PTAFR: variants seen among roughly 807,000 people sequenced by gnomAD.
PTAFR encodes the protein platelet activating factor receptor.
Under a neutral mutation model 14.7 loss-of-function variants are expected in PTAFR, and 8 were observed. The observed-to-expected ratio is 0.54, with a 90% CI of 0.32 to 0.98. The LOEUF (loss-of-function observed/expected upper bound fraction) is 0.98, where lower values mean the gene tolerates loss of function less well. Among genes scored for constraint, PTAFR ranks in the 50% least tolerant of loss-of-function variants. PTAFR has a pLI of 0.04. For missense variants in PTAFR, 337 were observed against 451.2 expected, an observed-to-expected ratio of 0.75 and a Z score of 2.29; for synonymous variants, 156 against 176.5, an observed-to-expected ratio of 0.88 and a Z score of 0.92.
chr1:28,168,104 G>C lies in PTAFR; in HGVS notation c.-39+8488C>G, dbSNP rs188841239. Among the ~76,000 whole-genome samples the C allele has an allele frequency of 5.5e-3, 823 of 148,382 alleles. 4 individuals carry two copies. Among genetic ancestry groups the C allele is most frequent in the Non-Finnish European group, 7.8e-3 (522 of 67,276 alleles). The stretch of plus-strand genomic sequence containing the variant: ...CTCCCGAGTAGCTGGGACTACAGGT[G>C]CCCGCCACCACACCCGGCTAATTTT... On this transcript the variant is annotated intron_variant, in intron 1 of 1. Transcript: ENST00000373857.
At chr1:28,156,178 G>A (rs990128714) in intron 1 of PTAFR, among the ~76,000 whole-genome samples, 3 of 151,404 alleles carry the variant, frequency 2.0e-5, no homozygotes, top group Non-Finnish European at 2.9e-5. Flanking sequence ...CAGGAGAATC[G>A]CTTGAACCCA....
In PTAFR at chr1:28,164,932, C is replaced by T. The variant is rs577184365; in HGVS notation, c.-39+11660G>A. 2.6e-5 allele frequency among the ~76,000 whole-genome samples: 4 copies of T among 152,336 alleles called. No individual in the cohort carries two copies. In the East Asian group the frequency reaches 5.8e-4, roughly 22 times the overall value. ...ACCTGCTCTGTATCCATCTGACTCC[C>T]GCCTGGTAGGGCGAGAGCTGGGTCA... On this transcript the variant is annotated intron_variant, in intron 1 of 1. Transcript: ENST00000373857.
intron 1 of PTAFR, among the ~76,000 whole-genome samples, chr1:28,187,516 T>A (rs2989475): frequency 0.35 from 53,389 of 151,044 alleles, 10,593 homozygotes; most frequent in African/African-American, 0.54. Flanking sequence ...GAAAAAAAAA[T>A]TTTTTTTTAA....
intron 1 of PTAFR, among the ~76,000 whole-genome samples, chr1:28,163,252 C>T (rs947349507): frequency 1.5e-4 from 23 of 152,218 alleles, no homozygotes; most frequent in African/African-American, 5.3e-4. Context: ...TCCCTATGCA[C>T]TGGGCGCATT....
At chr1:28,175,752 G>A (rs943731020) in intron 1 of PTAFR, among the ~76,000 whole-genome samples, 5 of 152,056 alleles carry the variant, frequency 3.3e-5, no homozygotes, top group African/African-American at 1.2e-4. Flanking sequence ...AGCATTTAGT[G>A]AGTTCCTAAG....
At position 28,150,378 on chromosome 1, in the gene PTAFR, A is replaced by G. The variant is rs754692628; in HGVS notation, c.644T>C (p.Met215Thr). Residue 215 changes from methionine to threonine, a missense_variant, in exon 2 of 2, where the codon ATG becomes ACG. Met to Thr is a moderately conservative substitution (Grantham distance 81). Coordinates refer to ENST00000373857, the MANE Select transcript of PTAFR (RefSeq NM_000952.5). This position sits in a 1 kb window ranked among gnomAD's most constrained non-coding sequence, Gnocchi z 6.3. ...CNLVIIRTLL[M>T]QPVQQQRNAE... Reference sequence around the variant, plus strand: ...GTTGCGCTGCTGCTGCACCGGCTGCATGAGCAAGGTACGGATGATGACCAG... The same window carrying G: ...GTTGCGCTGCTGCTGCACCGGCTGCGTGAGCAAGGTACGGATGATGACCAG... The G allele has an allele frequency of 6.2e-7, 1 of 1,614,012 alleles. No individual in the cohort carries two copies. The highest frequency in any genetic ancestry group is 8.5e-7 in the Non-Finnish European group (1 of 1,179,914).
intron 1 of PTAFR, among the ~76,000 whole-genome samples, chr1:28,175,181 G>A (rs938791947): frequency 1.3e-5 from 2 of 152,060 alleles, no homozygotes; most frequent in Non-Finnish European, 2.9e-5. Flanking sequence ...TAAAGTGCTG[G>A]GATTACAGAC....
upstream of PTAFR, among the ~76,000 whole-genome samples, chr1:28,178,053 C>T (rs186182338): frequency 3.3e-5 from 5 of 152,096 alleles, no homozygotes; most frequent in East Asian, 5.8e-4. Flanking sequence ...ATACATCAGC[C>T]GACCCAACAA....
At chr1:28,180,662 C>T (rs1252397872), upstream of PTAFR, among the ~76,000 whole-genome samples, 1 of 152,090 alleles carries the variant, frequency 6.6e-6, no homozygotes, top group Non-Finnish European at 1.5e-5. Context: ...CCAGGACAGA[C>T]ATACCTGAGA....
At chr1:28,171,322 C>CAA (rs1412074690) in intron 1 of PTAFR, among the ~76,000 whole-genome samples, 16 of 107,308 alleles carry the variant, frequency 1.5e-4, no homozygotes, top group Admixed American at 2.0e-4. Flanking sequence ...GACTCCATCT[C>CAA]AAAAAAAAAA....
At position 28,152,042 on chromosome 1, in the gene PTAFR, G is replaced by A. The variant is rs535630075; in HGVS notation, c.-38-983C>T. ...TGAGTAGCTGGGACTACAGGTATGC[G>A]TGTGACACCACACCTAGCTAATTTT... On this transcript the variant is annotated intron_variant, in intron 1 of 1. Transcript: ENST00000373857. Among the ~76,000 whole-genome samples, 22 of 152,078 alleles carry A rather than the reference G, an allele frequency of 1.4e-4. No homozygotes were observed. In the South Asian group the frequency reaches 3.5e-3, roughly 24 times the overall value.
chr1:28,178,754 G>T (rs1274165652), upstream of PTAFR, among the ~76,000 whole-genome samples: 1 of 151,852 alleles, frequency 6.6e-6, no homozygotes, highest in Non-Finnish European at 1.5e-5. Context: ...CCACTCACCT[G>T]CACACTCACG....
chr1:28,192,333 G>A (rs1281764818), intron 1 of PTAFR, among the ~76,000 whole-genome samples: 1 of 152,058 alleles, frequency 6.6e-6, no homozygotes, highest in Non-Finnish European at 1.5e-5. Flanking sequence ...ACCGAGGCGG[G>A]TGGATCACCT....
At chr1:28,190,036 A>G (rs769520771) in intron 1 of PTAFR, among the ~76,000 whole-genome samples, 2 of 148,204 alleles carry the variant, frequency 1.3e-5, no homozygotes, top group Non-Finnish European at 3.0e-5. Context: ...GCAGTGGTGC[A>G]ATCTCGGCTC....
At chr1:28,184,126 T>G (rs1646586780) in intron 1 of PTAFR, among the ~76,000 whole-genome samples, 1 of 145,542 alleles carries the variant, frequency 6.9e-6, no homozygotes, top group Non-Finnish European at 1.5e-5. Flanking sequence ...GGAGTCTCAT[T>G]CTGTCACCCA....
chr1:28,162,662 A>G (rs1433931551), intron 1 of PTAFR, among the ~76,000 whole-genome samples: 1 of 151,656 alleles, frequency 6.6e-6, no homozygotes, highest in Non-Finnish European at 1.5e-5. Context: ...CCCCTCTCTA[A>G]TAAAACTACA....
chr1:28,167,733 C>A (rs1557691684), intron 1 of PTAFR, among the ~76,000 whole-genome samples: 1 of 148,282 alleles, frequency 6.7e-6, no homozygotes, highest in Non-Finnish European at 1.5e-5. Flanking sequence ...GCAACCTCCG[C>A]CTCCCGCGTT....
chr1:28,174,018 A>G (rs1324182846), intron 1 of PTAFR, among the ~76,000 whole-genome samples: 1 of 152,090 alleles, frequency 6.6e-6, no homozygotes, highest in African/African-American at 2.4e-5. Flanking sequence ...ATCATTCCAG[A>G]TACATGTAGA....
At chr1:28,154,002 G>A (rs1156761937) in intron 1 of PTAFR, among the ~76,000 whole-genome samples, 7 of 150,756 alleles carry the variant, frequency 4.6e-5, no homozygotes, top group Non-Finnish European at 7.4e-5. Context: ...TGCAGTGAGC[G>A]GAGATTGTGC....
Sources: gnomAD v4.1 joint callset for allele counts (sites outside exome capture counted in the v4.1 genomes callset) on GRCh38, gnomAD v4.1.1 for gene constraint, Gnocchi (gnomAD v3.1) non-coding constraint, MANE v1.5 for transcripts, NCBI Gene and HGNC (gene_info 2026-07-23, HGNC 2026-07-21) for gene names.